LRRC27: variants seen among roughly 807,000 people sequenced by gnomAD.
LRRC27 encodes the protein leucine rich repeat containing 27, also known as leucine-rich repeat-containing protein 27.
LRRC27 carries 57 observed loss-of-function variants against 55.0 expected under a neutral mutation model. The ratio of observed to expected loss-of-function variants is 1.04; its 90% CI spans 0.84 to 1.29. LRRC27 has a LOEUF of 1.29. LRRC27 is among the 50% of genes most tolerant of loss of function. LRRC27 has a pLI of 0.00. For missense variants in LRRC27, 721 were observed against 651.5 expected, an observed-to-expected ratio of 1.11 and a Z score of -1.16; for synonymous variants, 278 against 251.9, an observed-to-expected ratio of 1.10 and a Z score of -0.98.
chr10:132,347,580 G>A (rs1414264001), intron 5 of LRRC27, among the ~76,000 whole-genome samples: 1 of 151,482 alleles, frequency 6.6e-6, no homozygotes, highest in African/African-American at 2.4e-5. Context: ...TGCTCGGTGG[G>A]GCCTGCGTGG....
chr10:132,348,515 G>C lies in LRRC27; in HGVS notation c.926+159G>C, dbSNP rs997408263. Among the ~76,000 whole-genome samples the C allele has an allele frequency of 6.6e-6, 1 of 152,194 alleles. No individual in the cohort carries two copies. The highest frequency in any genetic ancestry group is 1.9e-4 in the East Asian group (1 of 5,196). On this transcript the variant is annotated intron_variant, in intron 6 of 10. Coordinates refer to ENST00000368614, the MANE Select transcript of LRRC27 (RefSeq NM_030626.3). This position sits in a 1 kb window ranked among gnomAD's most constrained non-coding sequence, Gnocchi z 4.2. ...GCCGGTCCCAGGTTTAGGGTAACGG[G>C]GACCCGCATCAAGCCCGGAGCATCT... is the stretch of plus-strand genomic sequence containing the variant.
At chr10:132,364,464 CCCACACTTACACCCA>C (rs2068863558) in intron 9 of LRRC27, among the ~76,000 whole-genome samples, 1 of 136,428 alleles carries the variant, frequency 7.3e-6, no homozygotes, top group Admixed American at 7.1e-5. Context: ...CTCACACCCA[CCCACACTTACACCCA>C]CCCACACTTA....
intron 5 of LRRC27, among the ~76,000 whole-genome samples, chr10:132,347,660 C>CGGGGG (rs2067780014): frequency 7.9e-6 from 1 of 127,118 alleles, no homozygotes; most frequent in South Asian, 2.7e-4. Context: ...GTGGGGCCTG[C>CGGGGG]AGGGGAGGGT....
rs2069390699 is a variant in LRRC27, at chr10:132,380,000, T to C, written c.*4758T>C. 6.6e-6 allele frequency: 1 copy of C among 152,238 alleles called. No homozygotes were observed. Among genetic ancestry groups the C allele is most frequent in the Admixed American group, 6.5e-5 (1 of 15,282 alleles). The allele number at this position is 152,238 out of a possible 1,614,324, so 9.4% of individuals were successfully genotyped here. ...TTCACAGTAGAGAGAAATGTCGCCG[T>C]AAAGATGCAGCATTGGCCGAGTGCA... On this transcript the variant is annotated 3_prime_UTR_variant, in exon 11 of 11. Coordinates refer to ENST00000368614, the MANE Select transcript of LRRC27 (RefSeq NM_030626.3).
intron 5 of LRRC27, chr10:132,344,855 A>G (rs2067599209): frequency 8.3e-6 from 4 of 479,408 alleles, no homozygotes; most frequent in Admixed American, 3.4e-5. Flanking sequence ...ATCTGGGCAC[A>G]TTATAGATCC....
At chr10:132,369,097 T>C (rs56127765) in intron 10 of LRRC27, among the ~76,000 whole-genome samples, 21,946 of 152,138 alleles carry the variant, frequency 0.14, 2,102 homozygotes, top group Middle Eastern at 0.23. Flanking sequence ...AGATTCACCA[T>C]CAAAAAATCC....
intron 9 of LRRC27, 42 bp downstream of exon 9, chr10:132,361,617 C>T: frequency 7.1e-7 from 1 of 1,402,412 alleles, no homozygotes; most frequent in Non-Finnish European, 1.0e-6. Flanking sequence ...CAGGGCTCAG[C>T]CAGCCACCCA....
At chr10:132,335,476 G>T (rs906789939) in intron 2 of LRRC27, among the ~76,000 whole-genome samples, 11 of 136,182 alleles carry the variant, frequency 8.1e-5, no homozygotes, top group African/African-American at 2.0e-4. Context: ...TGAGTACTAT[G>T]GGGGGGGGTC....
chr10:132,367,165 A>T (rs1189870332), intron 10 of LRRC27, among the ~76,000 whole-genome samples: 1 of 152,228 alleles, frequency 6.6e-6, no homozygotes, highest in Non-Finnish European at 1.5e-5. Context: ...AGTGAAATAG[A>T]TTAATCCCTT....
Position 132,348,320 on chromosome 10 carries a change from T to C in LRRC27, c.890T>C (p.Ile297Thr), listed in dbSNP as rs752783070. 35 of 1,613,532 alleles carry C rather than the reference T, an allele frequency of 2.2e-5. No homozygotes were observed. The South Asian group carries it at 3.4e-4, about 16-fold the overall frequency. The change falls in exon 6 of 11, where the codon ATT becomes ACT. Residue 297 changes from isoleucine (I) to threonine (T), a missense_variant. By Grantham distance (89) the Ile-to-Thr change is moderately conservative. Coordinates refer to ENST00000368614, the MANE Select transcript of LRRC27 (RefSeq NM_030626.3). The surrounding 1 kb of genome is among the most constrained non-coding windows in gnomAD (Gnocchi z 4.2). ...LPPNLKAALN[I>T]EKELPKPRHV... ...CCAAATCTCAAGGCGGCCTTGAACA[T>C]TGAGAAAGAACTACCAAAGCCAAGA...
chr10:132,363,906 G>A (rs918293104), intron 9 of LRRC27, among the ~76,000 whole-genome samples: 28 of 152,018 alleles, frequency 1.8e-4, no homozygotes, highest in South Asian at 2.1e-4. Flanking sequence ...GGAAAATCTC[G>A]AAGGCCAACT....
chr10:132,352,271 T>G (rs2068073091), intron 7 of LRRC27, among the ~76,000 whole-genome samples: 1 of 67,990 alleles, frequency 1.5e-5, no homozygotes, highest in Non-Finnish European at 2.6e-5. Context: ...GCTCCCTTGT[T>G]TGTAGCCCCG....
rs368815997 is a variant in LRRC27 at position 132,337,563 on chromosome 10, A to C, written c.211-2A>C. The C allele has an allele frequency of 3.0e-5, 49 of 1,611,618 alleles. No individual in the cohort carries two copies. The highest frequency in any genetic ancestry group is 4.0e-5 in the Non-Finnish European group (47 of 1,179,192). ...ATTCTCTGATTCTCTTTTCCATGGA[A>C]GCAATTGCATCTGCAAAGGAATGCC... On this transcript the variant is annotated splice_acceptor_variant, in intron 2 of 10. Transcript: ENST00000368614. LOFTEE classifies it high-confidence loss of function.
chr10:132,370,608 C>T (rs938502793), intron 10 of LRRC27, among the ~76,000 whole-genome samples: 1 of 152,098 alleles, frequency 6.6e-6, no homozygotes, highest in African/African-American at 2.4e-5. Context: ...CACAGAGCGC[C>T]GGGCGGGTGG....
chr10:132,377,184 G>A lies in LRRC27; in HGVS notation c.*1942G>A, dbSNP rs149857453. 3.5e-4 allele frequency: 54 copies of A among 152,136 alleles called. No homozygotes were observed. The highest frequency in any genetic ancestry group is 1.2e-3 in the African/African-American group (48 of 41,474). The allele number at this position is 152,136 out of a possible 1,614,324, so 9.4% of individuals were successfully genotyped here. ...CACCTTATAGAGACATCATATACTC[G>A]GGACTCCTTTTCTTTCTCTAGCTGC... is the stretch of plus-strand genomic sequence containing the variant. On this transcript the variant is annotated 3_prime_UTR_variant, in exon 11 of 11. Coordinates refer to ENST00000368614, the MANE Select transcript of LRRC27 (RefSeq NM_030626.3).
chr10:132,355,069 TTCTTG>T (rs1564842880), intron 7 of LRRC27, among the ~76,000 whole-genome samples: 1 of 152,232 alleles, frequency 6.6e-6, no homozygotes, highest in African/African-American at 2.4e-5. Context: ...AAGACGCCTG[TTCTTG>T]TCTTGTTTTG....
chr10:132,331,470 A>G, upstream of LRRC27: 2 of 1,612,718 alleles, frequency 1.2e-6, no homozygotes, highest in Non-Finnish European at 1.7e-6. Flanking sequence ...CTCCGTCCAG[A>G]GGCAGCCTTA....
At chr10:132,365,715 C>T (rs1367093557) in intron 10 of LRRC27, among the ~76,000 whole-genome samples, 165 bp downstream of exon 10, 1 of 152,148 alleles carries the variant, frequency 6.6e-6, no homozygotes, top group Non-Finnish European at 1.5e-5. Context: ...GATTCTCCTG[C>T]CTCAGCCTCC....
At chr10:132,349,789 T>C (rs1004288523) in intron 6 of LRRC27, among the ~76,000 whole-genome samples, 5 of 152,298 alleles carry the variant, frequency 3.3e-5, no homozygotes, top group African/African-American at 1.2e-4. Context: ...CTGGAGCCCC[T>C]GCCCCATGGT....
Sources: allele counts gnomAD v4.1 joint callset (sites outside exome capture counted in the v4.1 genomes callset), GRCh38; gene constraint gnomAD v4.1.1; non-coding constraint Gnocchi (gnomAD v3.1); transcripts MANE v1.5; gene names NCBI Gene and HGNC (gene_info 2026-07-23, HGNC 2026-07-21).